Variants in NCOA7 observed in about 807,000 individuals in gnomAD.
NCOA7 encodes nuclear receptor coactivator 7.
NCOA7 carries 45 observed loss-of-function variants against 104.3 expected under a neutral mutation model. That is an observed-to-expected ratio of 0.43 (90% confidence interval 0.34 to 0.55). The LOEUF (loss-of-function observed/expected upper bound fraction) is 0.55. NCOA7 is among the 20% of genes least tolerant of loss of function. NCOA7 has a pLI of 0.02. For synonymous variants in NCOA7, 398 were observed against 402.3 expected (o/e 0.99, Z 0.13); for missense variants, 1,041 against 1,119.7 (o/e 0.93, Z 1.00).
intron 10 of NCOA7, among the ~76,000 whole-genome samples, chr6:125,891,119 A>G (rs991412608): frequency 1.3e-5 from 2 of 152,194 alleles, no homozygotes; most frequent in African/African-American, 2.4e-5. Context: ...TCTTTCATTG[A>G]GGATAAAGGA....
intron 13 of NCOA7, among the ~76,000 whole-genome samples, chr6:125,925,272 A>G (rs553334708): frequency 6.6e-6 from 1 of 152,326 alleles, no homozygotes; most frequent in East Asian, 1.9e-4. Flanking sequence ...CTAGAAAACA[A>G]TGAGAATTTT....
At chr6:125,883,228 T>C (rs1783991501) in intron 7 of NCOA7, among the ~76,000 whole-genome samples, 1 of 152,192 alleles carries the variant, frequency 6.6e-6, no homozygotes, top group African/African-American at 2.4e-5. Flanking sequence ...ACCAGTGAGT[T>C]CCTGTGGTCA....
intron 2 of NCOA7, among the ~76,000 whole-genome samples, chr6:125,828,275 G>A (rs988358800): frequency 3.9e-5 from 6 of 152,210 alleles, no homozygotes; most frequent in African/African-American, 1.2e-4. Flanking sequence ...ATTTCAAGGA[G>A]CGAATGATCA....
Position 125,928,385 on chromosome 6 carries a change from G to A in NCOA7, c.2693+138G>A, listed in dbSNP as rs189163459. The A allele has an allele frequency of 3.2e-5, 27 of 833,388 alleles. 1 individual carries two copies. The Admixed American group carries it at 5.3e-4, about 16-fold the overall frequency. 51.6% of individuals were successfully genotyped at this position (833,388 alleles called of 1,614,324 possible). On this transcript the variant is annotated intron_variant, in intron 15 of 15. Transcript: ENST00000392477. The stretch of plus-strand genomic sequence containing the variant: ...ATGTGCTTAGATGAATTAGGACAGA[G>A]GCTAACACAGAATGGCCTAACTAAG...
At position 125,871,348 on chromosome 6, in the gene NCOA7, G is replaced by A. The variant is rs941250293; in HGVS notation, c.272-3541G>A. Among the ~76,000 whole-genome samples the A allele has an allele frequency of 3.3e-5, 5 of 152,248 alleles. No homozygotes were observed. In the South Asian group the frequency reaches 6.2e-4, roughly 19 times the overall value. ...CAGCTCATGCCTCGTCCTAGATCTC[G>A]CCAGGGCCAGAAGCACCTCCAGTGC... On this transcript the variant is annotated intron_variant, in intron 3 of 15. Transcript: ENST00000392477.
At chr6:125,807,107 G>A (rs778404184) in intron 1 of NCOA7, among the ~76,000 whole-genome samples, 1 of 152,018 alleles carries the variant, frequency 6.6e-6, no homozygotes, top group Non-Finnish European at 1.5e-5. Context: ...CTGAGCCACC[G>A]ACCTCTCTCC....
intron 2 of NCOA7, among the ~76,000 whole-genome samples, chr6:125,851,572 A>G (rs934288465): frequency 2.6e-5 from 4 of 152,270 alleles, no homozygotes; most frequent in East Asian, 3.9e-4. Flanking sequence ...ACATGCAGGT[A>G]TTGTTTTCGT....
chr6:125,927,746 C>G lies in NCOA7; in HGVS notation c.2607C>G (p.Ser869Arg), dbSNP rs1390805520. ...GTGETFLYTF[S>R]PHFKVFKWSG... is the part of the protein sequence containing the mutation. ...GCGAAACTTTTCTCTACACATTCAG[C>G]CCTCATTTTAAGGTACCTAGATAGG... is the stretch of plus-strand genomic sequence containing the variant. Residue 869 changes from serine (S) to arginine (R), a missense_variant, in exon 14 of 16, where the codon AGC (serine) becomes AGG (arginine). Coordinates refer to ENST00000392477, the MANE Select transcript of NCOA7 (RefSeq NM_181782.5). The G allele has an allele frequency of 3.7e-6, 6 of 1,612,734 alleles. No individual in the cohort carries two copies. Among genetic ancestry groups the G allele is most frequent in the Non-Finnish European group, 4.2e-6 (5 of 1,178,760 alleles).
Position 125,915,399 on chromosome 6 carries a change from GC to G in NCOA7, c.2164del (p.Gln722LysfsTer11), listed in dbSNP as rs1786976568. The G allele has an allele frequency of 8.7e-6, 14 of 1,613,928 alleles. No individual in the cohort carries two copies. The highest frequency in any genetic ancestry group is 5.9e-6 in the Non-Finnish European group (7 of 1,179,850). On this transcript the variant is annotated frameshift_variant, in exon 11 of 16. Transcript: ENST00000392477. LOFTEE classifies it high-confidence loss of function. ...PDVYGKDAKEQGFVVVEKEEL... is the reference protein window; with the variant it reads ...PDVYGKDAKEXGFVVVEKEEL... The stretch of plus-strand genomic sequence containing the variant: ...ATGTCTATGGAAAAGATGCCAAAGA[GC>G]AAGGCTTTGTGGTGGTGGAGAAGGA...
chr6:125,925,247 A>G, intron 13 of NCOA7, among the ~76,000 whole-genome samples: 1 of 152,208 alleles, frequency 6.6e-6, no homozygotes, highest in Non-Finnish European at 1.5e-5. Context: ...GGGGAAGTTC[A>G]AGCCAAAGGG....
At chr6:125,790,813 G>A (rs1306802625), upstream of NCOA7, 1 of 152,274 alleles carries the variant, frequency 6.6e-6, no homozygotes, top group Non-Finnish European at 1.5e-5. Context: ...TCGCGCGTGG[G>A]AAGAGGCCTA....
chr6:125,913,493 C>A, intron 10 of NCOA7: 2 of 238,438 alleles, frequency 8.4e-6, no homozygotes, highest in South Asian at 1.5e-4. Flanking sequence ...AAGCTGCGTA[C>A]CATGGATGGC....
rs1476823480 is a variant in NCOA7 at position 125,833,678 on chromosome 6, G to A, written c.50+18274G>A. On this transcript the variant is annotated intron_variant, in intron 2 of 15. Transcript: ENST00000392477. Reference sequence around the variant, plus strand: ...AGGGTGGTGGCAAGGGGTGCTTTGGGGGCTGTGGCTTCTCTCTCCATTCAC... The same window carrying A: ...AGGGTGGTGGCAAGGGGTGCTTTGGAGGCTGTGGCTTCTCTCTCCATTCAC... Among the ~76,000 whole-genome samples, 3 of 152,090 alleles carry A rather than the reference G, an allele frequency of 2.0e-5. No individual in the cohort carries two copies. The South Asian group carries it at 6.2e-4, about 32-fold the overall frequency.
upstream of NCOA7, among the ~76,000 whole-genome samples, chr6:125,790,111 G>A (rs545585092): frequency 1.3e-5 from 2 of 152,342 alleles, no homozygotes; most frequent in South Asian, 2.1e-4. Context: ...TTGCTGTAAT[G>A]ACTGCAATTT....
At position 125,931,032 on chromosome 6, in the gene NCOA7, C is replaced by T. The variant is rs950264151; in HGVS notation, c.*2261C>T. The T allele has an allele frequency of 1.3e-5, 2 of 152,608 alleles. No individual in the cohort carries two copies. The highest frequency in any genetic ancestry group is 4.8e-5 in the African/African-American group (2 of 41,446). The allele number at this position is 152,608 out of a possible 1,614,324, so 9.5% of individuals were successfully genotyped here. The stretch of plus-strand genomic sequence containing the variant: ...GTATTGTCCATTCAGAAATGTGTGA[C>T]CCTTCATTTATGGATATTGACTATA... On this transcript the variant is annotated 3_prime_UTR_variant, in exon 16 of 16. Transcript: ENST00000392477.
At chr6:125,840,036 A>G (rs868599867) in intron 2 of NCOA7, among the ~76,000 whole-genome samples, 4 of 151,960 alleles carry the variant, frequency 2.6e-5, no homozygotes, top group Middle Eastern at 6.8e-3. Flanking sequence ...AGGCATTGTT[A>G]TCATAGGAGA....
Position 125,922,622 on chromosome 6 carries a change from A to G in NCOA7, c.2371-60A>G, listed in dbSNP as rs1583558568. ...ATAACAGGCATTTGTTTTGTGCCAC[A>G]TGTTCGTGAGCAATTTGTGGGTGAA... On this transcript the variant is annotated intron_variant, in intron 12 of 15. Coordinates refer to ENST00000392477, the MANE Select transcript of NCOA7 (RefSeq NM_181782.5). 9.5e-6 allele frequency: 15 copies of G among 1,576,936 alleles called. No individual in the cohort carries two copies. In the East Asian group the frequency reaches 2.9e-4, roughly 31 times the overall value.
At chr6:125,842,416 T>G (rs534729597) in intron 2 of NCOA7, among the ~76,000 whole-genome samples, 58 of 152,320 alleles carry the variant, frequency 3.8e-4, no homozygotes, top group African/African-American at 1.3e-3. Context: ...CACTGCAATA[T>G]ATTGCTGTTG....
intron 11 of NCOA7, among the ~76,000 whole-genome samples, chr6:125,919,659 T>G (rs1392091948): frequency 6.8e-6 from 1 of 147,626 alleles, no homozygotes; most frequent in African/African-American, 2.6e-5. Flanking sequence ...TTTATACTTG[T>G]GATAAACACA....
Sources: gnomAD v4.1 joint callset for allele counts (sites outside exome capture counted in the v4.1 genomes callset) on GRCh38, gnomAD v4.1.1 for gene constraint, MANE v1.5 for transcripts, NCBI Gene and HGNC (gene_info 2026-07-23, HGNC 2026-07-21) for gene names.